TENM1: variants seen among roughly 807,000 people sequenced by gnomAD.
TENM1 encodes the protein teneurin transmembrane protein 1.
In TENM1, 35 loss-of-function variants were observed where a neutral mutation model predicts 174.8. That is an observed-to-expected ratio of 0.20 (90% CI 0.15 to 0.27). The LOEUF (loss-of-function observed/expected upper bound fraction) is 0.27, where lower values mean the gene tolerates loss of function less well. Among genes scored for constraint, TENM1 ranks in the 10% least tolerant of loss-of-function variants. The pLI is 1.00. For missense variants in TENM1, 1,633 were observed against 2,130.1 expected (o/e 0.77, Z 4.59); for synonymous variants, 781 against 798.7 (o/e 0.98, Z 0.37).
chrX:125,121,073 T>A, the TENM1 span, among the ~76,000 whole-genome samples: 4 of 111,796 alleles, frequency 3.6e-5, no homozygotes, highest in African/African-American at 1.3e-4. Context: ...TTTAGCAATA[T>A]CAAGAGGAGA....
the TENM1 span, among the ~76,000 whole-genome samples, chrX:125,013,876 C>T: frequency 9.0e-6 from 1 of 111,602 alleles, no homozygotes; most frequent in Admixed American, 9.5e-5. Context: ...GTGGATGATA[C>T]AATAGAAAAC....
chrX:124,489,461 T>C (rs1455303919), intron 20 of TENM1, among the ~76,000 whole-genome samples: 1 of 111,842 alleles, frequency 8.9e-6, no homozygotes, highest in Non-Finnish European at 1.9e-5. Context: ...GCCTTTACCA[T>C]TATTCAATTC....
intron 19 of TENM1, among the ~76,000 whole-genome samples, chrX:124,498,125 G>A (rs373464947): frequency 1.8e-4 from 20 of 111,468 alleles, no homozygotes; most frequent in African/African-American, 6.2e-4. Context: ...ATCATCTTGT[G>A]AGTGGTTGTA....
chrX:124,889,345 TA>T lies in TENM1; in HGVS notation c.535+4950del, dbSNP rs979133900. On this transcript the variant is annotated intron_variant, in intron 3 of 31. Coordinates refer to ENST00000422452, the Ensembl canonical transcript of TENM1. ...TCTCCTTGGAATTTAGAAATGGCAC[TA>T]AAAAAAATCTGGTTAATCTTAGCTT... Among the ~76,000 whole-genome samples the T allele has an allele frequency of 3.6e-5, 4 of 111,263 alleles. No individual in the cohort carries two copies. In the South Asian group the frequency reaches 1.1e-3, roughly 32 times the overall value.
intron 1 of TENM1, among the ~76,000 whole-genome samples, chrX:124,959,269 AG>A (rs894033447): frequency 8.9e-6 from 1 of 111,752 alleles, no homozygotes; most frequent in African/African-American, 3.3e-5. Flanking sequence ...TCTCCTTCAA[AG>A]GGGTACATAT....
the TENM1 span, among the ~76,000 whole-genome samples, chrX:125,026,803 G>A: frequency 6.3e-5 from 7 of 111,904 alleles, no homozygotes; most frequent in Non-Finnish European, 1.3e-4. Flanking sequence ...AATGGATGAA[G>A]AAATAGCATT....
At chrX:124,562,015 T>C (rs1201833261) in intron 13 of TENM1, among the ~76,000 whole-genome samples, 198 bp from the exon 17 acceptor site, 2 of 112,170 alleles carry the variant, frequency 1.8e-5, no homozygotes, top group Non-Finnish European at 3.8e-5. Context: ...TGGTTTTCCT[T>C]AGAGAGCCAA....
intron 3 of TENM1, among the ~76,000 whole-genome samples, chrX:124,833,139 T>C (rs1289190302): frequency 8.9e-6 from 1 of 111,889 alleles, no homozygotes; most frequent in Non-Finnish European, 1.9e-5. Context: ...CTGAGAGATT[T>C]ATACAGGAGA....
chrX:124,734,964 A>G (rs1056862942), intron 4 of TENM1, among the ~76,000 whole-genome samples: 1 of 112,218 alleles, frequency 8.9e-6, no homozygotes, highest in Non-Finnish European at 1.9e-5. Flanking sequence ...AAATACTTAA[A>G]TATAACACCA....
At chrX:124,497,746 T>C (rs1394410081) in intron 19 of TENM1, among the ~76,000 whole-genome samples, 1 of 111,801 alleles carries the variant, frequency 8.9e-6, no homozygotes, top group Non-Finnish European at 1.9e-5. Flanking sequence ...AGGAAGGTAA[T>C]CTACTTCTGT....
chrX:125,141,846 A>G, the TENM1 span, among the ~76,000 whole-genome samples: 1 of 110,874 alleles, frequency 9.0e-6, no homozygotes, highest in East Asian at 2.9e-4. Context: ...AATATAGCAC[A>G]GGACTGGAGA....
chrX:124,441,995 CT>C (rs1464490524), intron 23 of TENM1, among the ~76,000 whole-genome samples: 1 of 112,247 alleles, frequency 8.9e-6, no homozygotes, highest in Non-Finnish European at 1.9e-5. Context: ...CTTCACCTCT[CT>C]TTTTTTCCCA....
At chrX:125,013,627 C>G in the TENM1 span, among the ~76,000 whole-genome samples, 1 of 111,502 alleles carries the variant, frequency 9.0e-6, no homozygotes, top group Non-Finnish European at 1.9e-5. Flanking sequence ...TTTAAGAAGA[C>G]TGGATATGAC....
intron 3 of TENM1, among the ~76,000 whole-genome samples, chrX:124,816,067 G>T (rs1331445664): frequency 9.0e-6 from 1 of 111,556 alleles, no homozygotes; most frequent in Non-Finnish European, 1.9e-5. Flanking sequence ...GTTTCTTCTT[G>T]AATATTTTGG....
chrX:124,588,926 T>C (rs745780822), intron 11 of TENM1, among the ~76,000 whole-genome samples: 2 of 110,407 alleles, frequency 1.8e-5, no homozygotes, highest in Non-Finnish European at 3.8e-5. Flanking sequence ...CTAGCACTTA[T>C]AGTACTATGT....
chrX:124,430,230 C>T (rs1304218646), intron 23 of TENM1, among the ~76,000 whole-genome samples: 1 of 111,604 alleles, frequency 9.0e-6, no homozygotes, highest in East Asian at 2.8e-4. Context: ...GAGTCTGGGA[C>T]ACTGCTTCTC....
chrX:124,563,003 G>T (rs1288596458), intron 13 of TENM1, among the ~76,000 whole-genome samples: 2 of 112,232 alleles, frequency 1.8e-5, no homozygotes, highest in East Asian at 5.6e-4. Flanking sequence ...ATGGTTGTTA[G>T]AAAATATGAA....
intron 11 of TENM1, among the ~76,000 whole-genome samples, chrX:124,609,905 C>T (rs896912354): frequency 1.8e-5 from 2 of 111,805 alleles, no homozygotes; most frequent in Admixed American, 1.9e-4. Flanking sequence ...ACTAAAAATT[C>T]AGATATAGAT....
At chrX:125,062,997 C>T in the TENM1 span, among the ~76,000 whole-genome samples, 4 of 112,272 alleles carry the variant, frequency 3.6e-5, no homozygotes, top group Non-Finnish European at 7.5e-5. Flanking sequence ...AATGAATGAA[C>T]AACCATATTA....
Sources: allele counts gnomAD v4.1 joint callset (sites outside exome capture counted in the v4.1 genomes callset), GRCh38; gene constraint gnomAD v4.1.1; transcripts MANE v1.5; gene names NCBI Gene and HGNC (gene_info 2026-07-23, HGNC 2026-07-21).